The following SLC24A2 variants were observed in gnomAD, a reference collection of about 807,000 sequenced individuals.
SLC24A2 encodes sodium/potassium/calcium exchanger 2.
In SLC24A2, 36 loss-of-function variants were observed where a neutral mutation model predicts 62.0. The observed-to-expected ratio is 0.58, with a 90% CI of 0.44 to 0.77. The LOEUF (loss-of-function observed/expected upper bound fraction) is 0.77, where lower values mean the gene tolerates loss of function less well. SLC24A2 is among the 30% of genes least tolerant of loss of function. The probability of loss-of-function intolerance (pLI) is 0.00; values close to 1 mark genes in which losing one functional copy is unlikely to be tolerated. For synonymous variants in SLC24A2, 358 were observed against 294.0 expected (o/e 1.22, Z -2.23); for missense variants, 846 against 817.9 (o/e 1.03, Z -0.42).
chr9:20,037,192 C>G, the SLC24A2 span, among the ~76,000 whole-genome samples: 1 of 152,164 alleles, frequency 6.6e-6, no homozygotes, highest in Non-Finnish European at 1.5e-5. Context: ...GCCGCTGCAC[C>G]TGGCCTATAT....
the SLC24A2 span, among the ~76,000 whole-genome samples, chr9:19,935,253 G>A: frequency 6.6e-6 from 1 of 151,128 alleles, no homozygotes; most frequent in African/African-American, 2.4e-5. Context: ...AAAGACAGGG[G>A]GGTTCTAGCA....
the SLC24A2 span, among the ~76,000 whole-genome samples, chr9:19,809,667 A>C: frequency 6.6e-6 from 1 of 152,100 alleles, no homozygotes; most frequent in Admixed American, 6.6e-5. Flanking sequence ...GGCAGGAGCC[A>C]AGGGGAAAGT....
At chr9:20,036,300 G>A in the SLC24A2 span, among the ~76,000 whole-genome samples, 7 of 151,888 alleles carry the variant, frequency 4.6e-5, no homozygotes, top group African/African-American at 7.3e-5. Context: ...TAACCTATCC[G>A]TTACCTCAAA....
chr9:20,133,447 A>G, the SLC24A2 span, among the ~76,000 whole-genome samples: 2 of 152,166 alleles, frequency 1.3e-5, no homozygotes, highest in African/African-American at 4.8e-5. Context: ...TTTTTCTTAA[A>G]TATGCAACAC....
intron 4 of SLC24A2, among the ~76,000 whole-genome samples, chr9:19,604,825 C>T (rs1446151112): frequency 6.6e-6 from 1 of 152,186 alleles, no homozygotes; most frequent in East Asian, 1.9e-4. Flanking sequence ...ATATATTCTA[C>T]ACTACAGTAT....
At chr9:20,227,747 C>G in the SLC24A2 span, among the ~76,000 whole-genome samples, 2 of 152,114 alleles carry the variant, frequency 1.3e-5, no homozygotes, top group African/African-American at 4.8e-5. Flanking sequence ...GACTGAATCT[C>G]TAATGTTATT....
the SLC24A2 span, among the ~76,000 whole-genome samples, chr9:20,042,602 A>T: frequency 2.0e-5 from 3 of 152,186 alleles, no homozygotes; most frequent in Non-Finnish European, 4.4e-5. Flanking sequence ...ATGTTCATTT[A>T]TCCTTCCAAT....
At chr9:19,970,443 GTT>G in the SLC24A2 span, among the ~76,000 whole-genome samples, 11 of 152,270 alleles carry the variant, frequency 7.2e-5, no homozygotes, top group East Asian at 1.3e-3. Context: ...GTGTGTGAGT[GTT>G]TTTTCTTTTT....
the SLC24A2 span, among the ~76,000 whole-genome samples, chr9:20,021,744 G>A: frequency 5.9e-5 from 9 of 151,608 alleles, no homozygotes; most frequent in Non-Finnish European, 1.0e-4. Context: ...CTATGTGTTG[G>A]GCTACACCTA....
intron 2 of SLC24A2, among the ~76,000 whole-genome samples, chr9:19,779,343 AC>A (rs1429567982): frequency 1.3e-5 from 2 of 152,200 alleles, no homozygotes; most frequent in Non-Finnish European, 2.9e-5. Context: ...CAAAGCAAAA[AC>A]CTTAAAAGTA....
chr9:19,677,119 C>T (rs1819583195), intron 2 of SLC24A2, among the ~76,000 whole-genome samples: 1 of 152,222 alleles, frequency 6.6e-6, no homozygotes, highest in Non-Finnish European at 1.5e-5. Context: ...ATTCTAAAGA[C>T]ACATGCACAT....
chr9:19,663,460 GC>G (rs1388481872), intron 2 of SLC24A2, among the ~76,000 whole-genome samples: 1 of 152,106 alleles, frequency 6.6e-6, no homozygotes, highest in Non-Finnish European at 1.5e-5. Flanking sequence ...AGCAGAGCCT[GC>G]CCCCTTCCGC....
the SLC24A2 span, among the ~76,000 whole-genome samples, chr9:20,206,370 T>C: frequency 6.6e-6 from 1 of 152,182 alleles, no homozygotes; most frequent in Non-Finnish European, 1.5e-5. Context: ...ACGTAGAGAC[T>C]TGCAAAAATG....
At chr9:19,680,717 A>G (rs538815389) in intron 2 of SLC24A2, among the ~76,000 whole-genome samples, 2 of 152,102 alleles carry the variant, frequency 1.3e-5, no homozygotes, top group Admixed American at 1.3e-4. Context: ...TAAGGCAAAG[A>G]TTCATGGCTT....
chr9:20,151,914 A>T, the SLC24A2 span, among the ~76,000 whole-genome samples: 1 of 151,490 alleles, frequency 6.6e-6, no homozygotes, highest in Non-Finnish European at 1.5e-5. Context: ...TTCTTTATGG[A>T]CCTGTTGCAT....
chr9:20,274,548 C>T, the SLC24A2 span, among the ~76,000 whole-genome samples: 1 of 152,032 alleles, frequency 6.6e-6, no homozygotes, highest in Non-Finnish European at 1.5e-5. Context: ...TCTCTACCAA[C>T]TGCGATACTA....
the SLC24A2 span, among the ~76,000 whole-genome samples, chr9:20,295,687 T>G: frequency 1.4e-4 from 21 of 152,320 alleles, no homozygotes; most frequent in Non-Finnish European, 2.9e-4. Flanking sequence ...AAATTCAGGC[T>G]CTGAGCTCTG....
the SLC24A2 span, among the ~76,000 whole-genome samples, chr9:20,179,809 C>T: frequency 2.6e-5 from 4 of 152,262 alleles, no homozygotes; most frequent in East Asian, 3.9e-4. Flanking sequence ...GCAGAGTGTG[C>T]TAGTATTACC....
chr9:19,770,070 TC>T (rs1254017712), intron 2 of SLC24A2, among the ~76,000 whole-genome samples: 1 of 151,050 alleles, frequency 6.6e-6, no homozygotes, highest in African/African-American at 2.4e-5. Context: ...GTCTATATTG[TC>T]CCATGTAGAC....
Sources: allele counts gnomAD v4.1 joint callset (sites outside exome capture counted in the v4.1 genomes callset), GRCh38; gene constraint gnomAD v4.1.1; transcripts MANE v1.5; gene names NCBI Gene and HGNC (gene_info 2026-07-23, HGNC 2026-07-21).